The following MTREX variants were observed in gnomAD, a reference collection of about 807,000 sequenced individuals.
MTREX encodes exosome RNA helicase MTR4.
In MTREX, 76 loss-of-function variants were observed where a neutral mutation model predicts 135.4. The observed-to-expected ratio is 0.56, with a 90% CI of 0.47 to 0.68. MTREX has a LOEUF of 0.68. MTREX is among the 30% of genes least tolerant of loss of function. The pLI, the probability that MTREX is intolerant of heterozygous loss-of-function variation, is 0.00. For synonymous variants in MTREX, 404 were observed against 401.6 expected (o/e 1.01, Z -0.07); for missense variants, 920 against 1,262.1 (o/e 0.73, Z 4.11).
At chr5:55,335,647 C>CTA (rs1317862017) in intron 5 of MTREX, among the ~76,000 whole-genome samples, 1 of 152,026 alleles carries the variant, frequency 6.6e-6, no homozygotes, top group Non-Finnish European at 1.5e-5. Flanking sequence ...CACTAGTACA[C>CTA]TATTTTGATT....
At chr5:55,379,286 T>C (rs372946798) in intron 18 of MTREX, 91 bp downstream of exon 18, 4 of 717,814 alleles carry the variant, frequency 5.6e-6, no homozygotes, top group Non-Finnish European at 4.6e-6. Flanking sequence ...AGAAATAATA[T>C]TACCTGAAGA....
At chr5:55,348,044 T>C (rs1459172985) in intron 11 of MTREX, among the ~76,000 whole-genome samples, 1 of 152,194 alleles carries the variant, frequency 6.6e-6, no homozygotes, top group African/African-American at 2.4e-5. Flanking sequence ...TCATGGGAAC[T>C]ACAAGATGAG....
At chr5:55,404,529 T>C (rs1233036668) in intron 21 of MTREX, among the ~76,000 whole-genome samples, 2 of 152,160 alleles carry the variant, frequency 1.3e-5, no homozygotes, top group Admixed American at 6.5e-5. Flanking sequence ...AGAGAAAAGA[T>C]TTCTGTACCC....
At chr5:55,342,848 T>C (rs1039335424) in intron 7 of MTREX, among the ~76,000 whole-genome samples, 10 of 152,326 alleles carry the variant, frequency 6.6e-5, no homozygotes, top group African/African-American at 2.4e-4. Context: ...TGTCAAACTT[T>C]TTCCGTTTTA....
chr5:55,415,865 C>T (rs1185776797), intron 24 of MTREX, 105 bp from the exon 25 acceptor site: 8 of 723,118 alleles, frequency 1.1e-5, no homozygotes, highest in Middle Eastern at 4.0e-4. Context: ...AGACATAATA[C>T]CTAGGAAGAA....
chr5:55,316,549 A>G (rs774720456), intron 1 of MTREX, among the ~76,000 whole-genome samples: 1 of 152,214 alleles, frequency 6.6e-6, no homozygotes, highest in Non-Finnish European at 1.5e-5. Context: ...GATTATTTCA[A>G]TACATGCAGA....
chr5:55,389,976 G>A (rs1218150040), intron 19 of MTREX, among the ~76,000 whole-genome samples: 1 of 152,088 alleles, frequency 6.6e-6, no homozygotes, highest in African/African-American at 2.4e-5. Flanking sequence ...CATTATTCAG[G>A]GTAGGTTAAA....
intron 14 of MTREX, among the ~76,000 whole-genome samples, chr5:55,354,939 G>C (rs980016531): frequency 6.6e-6 from 1 of 152,170 alleles, no homozygotes; most frequent in African/African-American, 2.4e-5. Flanking sequence ...GAGACTCATC[G>C]GGGTCCAGAC....
intron 1 of MTREX, among the ~76,000 whole-genome samples, chr5:55,318,901 T>TA (rs979612548): frequency 6.6e-6 from 1 of 152,106 alleles, no homozygotes; most frequent in African/African-American, 2.4e-5. Context: ...TGTGAGTACT[T>TA]AAAAAAACTT....
chr5:55,376,165 G>A (rs1206152886), intron 16 of MTREX, among the ~76,000 whole-genome samples: 2 of 152,188 alleles, frequency 1.3e-5, no homozygotes, highest in African/African-American at 2.4e-5. Context: ...AGCTTGAGGG[G>A]CTTCAAAAAT....
intron 22 of MTREX, among the ~76,000 whole-genome samples, chr5:55,407,978 G>A (rs1159137478): frequency 2.6e-5 from 4 of 151,952 alleles, no homozygotes; most frequent in African/African-American, 9.7e-5. Context: ...GGCTGGTCTT[G>A]AACTCCTGTA....
intron 19 of MTREX, among the ~76,000 whole-genome samples, chr5:55,394,805 G>A (rs1750622698): frequency 6.6e-6 from 1 of 152,010 alleles, no homozygotes; most frequent in Non-Finnish European, 1.5e-5. Flanking sequence ...GGCAAAGGCG[G>A]GCAGATCACC....
At chr5:55,361,843 G>T (rs9292091) in intron 15 of MTREX, among the ~76,000 whole-genome samples, 1 of 150,774 alleles carries the variant, frequency 6.6e-6, no homozygotes, top group Admixed American at 6.6e-5. Flanking sequence ...TCCTCCTGTC[G>T]CAGCCTCCCA....
At chr5:55,341,501 T>C (rs183789731) in intron 6 of MTREX, among the ~76,000 whole-genome samples, 180 bp from the exon 7 acceptor site, 108 of 152,324 alleles carry the variant, frequency 7.1e-4, no homozygotes, top group Non-Finnish European at 7.6e-4. Flanking sequence ...CAATGTAATA[T>C]TGAATATTAC....
At chr5:55,385,300 T>C (rs1433696629) in intron 18 of MTREX, among the ~76,000 whole-genome samples, 1 of 152,104 alleles carries the variant, frequency 6.6e-6, no homozygotes, top group Admixed American at 6.6e-5. Flanking sequence ...GAAGGGCTGT[T>C]GGGGCCCTTT....
chr5:55,372,283 G>A (rs1049025885), intron 16 of MTREX, among the ~76,000 whole-genome samples: 1 of 152,096 alleles, frequency 6.6e-6, no homozygotes, highest in African/African-American at 2.4e-5. Flanking sequence ...CTGAAATACA[G>A]CTCCTGTAAG....
chr5:55,378,609 T>A, intron 17 of MTREX, 123 bp downstream of exon 17: 1 of 1,118,846 alleles, frequency 8.9e-7, no homozygotes, highest in Non-Finnish European at 1.2e-6. Context: ...TGATCTATAT[T>A]AATCATATTA....
intron 25 of MTREX, among the ~76,000 whole-genome samples, chr5:55,420,591 A>G (rs1235963544): frequency 6.6e-6 from 1 of 152,196 alleles, no homozygotes; most frequent in African/African-American, 2.4e-5. Context: ...AAACACATTA[A>G]GTTGAAAGAA....
chr5:55,360,937 A>T (rs771854273), intron 15 of MTREX, among the ~76,000 whole-genome samples: 1 of 152,206 alleles, frequency 6.6e-6, no homozygotes, highest in Non-Finnish European at 1.5e-5. Context: ...AGAGGTTAAA[A>T]AATTTGTCCA....
Sources: gnomAD v4.1 joint callset for allele counts (sites outside exome capture counted in the v4.1 genomes callset) on GRCh38, gnomAD v4.1.1 for gene constraint, MANE v1.5 for transcripts, NCBI Gene and HGNC (gene_info 2026-07-23, HGNC 2026-07-21) for gene names.